Variants in DGKB observed in about 807,000 individuals in gnomAD.
DGKB encodes diacylglycerol kinase beta, also known as 90 kDa diacylglycerol kinase.
DGKB carries 67 observed loss-of-function variants against 114.3 expected under a neutral mutation model. The observed-to-expected ratio is 0.59, with a 90% CI of 0.48 to 0.72. The LOEUF is 0.72. Among genes scored for constraint, DGKB ranks in the 30% least tolerant of loss-of-function variants. DGKB has a pLI of 0.00. For synonymous variants in DGKB, 398 were observed against 323.1 expected, an observed-to-expected ratio of 1.23 and a Z score of -2.49; for missense variants, 907 against 975.2, an observed-to-expected ratio of 0.93 and a Z score of 0.93.
intron 25 of DGKB, among the ~76,000 whole-genome samples, chr7:14,175,727 G>T (rs1196092224): frequency 6.6e-6 from 1 of 152,022 alleles, no homozygotes; most frequent in Non-Finnish European, 1.5e-5. Context: ...TACATGATTT[G>T]TTCTCTGTCT....
At chr7:14,183,758 C>A (rs1290693719) in intron 23 of DGKB, among the ~76,000 whole-genome samples, 1 of 152,166 alleles carries the variant, frequency 6.6e-6, no homozygotes, top group Non-Finnish European at 1.5e-5. Context: ...ACAGTAAGAA[C>A]TAACCAATTA....
chr7:14,389,172 C>T (rs112903661), intron 21 of DGKB, among the ~76,000 whole-genome samples: 4 of 152,230 alleles, frequency 2.6e-5, no homozygotes, highest in African/African-American at 9.6e-5. Flanking sequence ...TGTGTGTCTG[C>T]TTTATTCCTT....
At chr7:14,861,877 G>C (rs144572040) in intron 1 of DGKB, among the ~76,000 whole-genome samples, 1 of 152,012 alleles carries the variant, frequency 6.6e-6, no homozygotes, top group Admixed American at 6.6e-5. Context: ...AAGGGCATTT[G>C]AGCTGCTTGC....
intron 13 of DGKB, among the ~76,000 whole-genome samples, chr7:14,637,997 ATGAT>A (rs1327249716): frequency 6.6e-6 from 1 of 152,098 alleles, no homozygotes; most frequent in Non-Finnish European, 1.5e-5. Flanking sequence ...ACAAAGAAGA[ATGAT>A]TATTTATTAT....
At chr7:14,577,284 A>T (rs992263718) in intron 19 of DGKB, among the ~76,000 whole-genome samples, 4 of 152,180 alleles carry the variant, frequency 2.6e-5, no homozygotes. Context: ...ATTTTTGCAA[A>T]TGAAAATCAC....
chr7:14,720,312 T>A (rs1275086059), intron 5 of DGKB, among the ~76,000 whole-genome samples: 3 of 152,212 alleles, frequency 2.0e-5, no homozygotes, highest in South Asian at 2.1e-4. Context: ...TAATTTTTTT[T>A]ATTTTTTTGA....
chr7:14,194,161 A>G (rs756423347), intron 23 of DGKB, among the ~76,000 whole-genome samples: 8 of 152,184 alleles, frequency 5.3e-5, no homozygotes, highest in Non-Finnish European at 8.8e-5. Context: ...AATAGTCAAA[A>G]TAGAATTAAC....
chr7:14,556,164 T>C (rs1584785693), intron 20 of DGKB, among the ~76,000 whole-genome samples: 1 of 152,332 alleles, frequency 6.6e-6, no homozygotes, highest in African/African-American at 2.4e-5. Flanking sequence ...TTTTATAACT[T>C]TGCATAAAAT....
chr7:14,811,896 T>TG (rs1254923321), intron 2 of DGKB, among the ~76,000 whole-genome samples: 6 of 56,292 alleles, frequency 1.1e-4, no homozygotes, highest in Non-Finnish European at 1.7e-4. Context: ...TCTTTAGAAC[T>TG]TTTTTATTTT....
intron 22 of DGKB, among the ~76,000 whole-genome samples, chr7:14,344,919 A>T (rs2128591199): frequency 6.6e-6 from 1 of 151,810 alleles, no homozygotes; most frequent in Non-Finnish European, 1.5e-5. Context: ...CAATTTTAGC[A>T]AAGTGTGTTT....
chr7:14,393,621 A>T (rs2128713463), intron 21 of DGKB, among the ~76,000 whole-genome samples: 1 of 152,288 alleles, frequency 6.6e-6, no homozygotes, highest in East Asian at 1.9e-4. Flanking sequence ...CTGCTCTCGA[A>T]GGATCATGAA....
chr7:14,683,071 C>A (rs1821106815), intron 10 of DGKB, among the ~76,000 whole-genome samples: 1 of 152,124 alleles, frequency 6.6e-6, no homozygotes, highest in South Asian at 2.1e-4. Context: ...TCTATCATGG[C>A]ATAGCAGGAA....
At chr7:14,288,829 G>A (rs1175509940) in intron 23 of DGKB, among the ~76,000 whole-genome samples, 1 of 152,176 alleles carries the variant, frequency 6.6e-6, no homozygotes, top group African/African-American at 2.4e-5. Context: ...GAGGTTCCTT[G>A]ACGTGTTGTG....
intron 20 of DGKB, among the ~76,000 whole-genome samples, chr7:14,540,176 T>C (rs12669027): frequency 0.2 from 30,638 of 152,000 alleles, 3,529 homozygotes; most frequent in East Asian, 0.44. Flanking sequence ...TACATCATTT[T>C]GGGAGGTATA....
Position 14,512,204 on chromosome 7 carries a change from A to G in DGKB, c.1771-33979T>C, listed in dbSNP as rs1311868883. On this transcript the variant is annotated intron_variant, in intron 20 of 25. Transcript: ENST00000402815. Reference sequence around the variant, plus strand: ...AAAGCAGAGCACAATAAAATGAGGTATGCTTGTACTTCAGAACAACACCAG... The same window carrying G: ...AAAGCAGAGCACAATAAAATGAGGTGTGCTTGTACTTCAGAACAACACCAG... Among the ~76,000 whole-genome samples, 4 of 152,346 alleles carry G rather than the reference A, an allele frequency of 2.6e-5. No individual in the cohort carries two copies. The East Asian group carries it at 5.8e-4, about 22-fold the overall frequency.
At chr7:14,858,737 G>A (rs1166375934) in intron 1 of DGKB, among the ~76,000 whole-genome samples, 1 of 152,150 alleles carries the variant, frequency 6.6e-6, no homozygotes, top group Non-Finnish European at 1.5e-5. Context: ...GATATGAGTA[G>A]GAGCTTTAGG....
rs1453398192 is a variant in DGKB at position 14,698,138 on chromosome 7, T to C, written c.548A>G (p.His183Arg). 2.0e-6 allele frequency: 3 copies of C among 1,536,022 alleles called. No individual in the cohort carries two copies. Among genetic ancestry groups the C allele is most frequent in the Non-Finnish European group, 2.6e-6 (3 of 1,145,754 alleles). ...ELENIISQMM[H>R]VAEYLEWDVT... ...ATCCCACTCAAGGTATTCTGCAACATGCATCATCTGACTGATGATATTTTC... is the reference window on the plus strand; with the variant it reads ...ATCCCACTCAAGGTATTCTGCAACACGCATCATCTGACTGATGATATTTTC... The change falls in exon 8 of 26, where the codon CAT becomes CGT. Residue 183 changes from histidine (H) to arginine (R), a missense_variant. His to Arg is a conservative substitution (Grantham distance 29, BLOSUM62 0). Transcript: ENST00000402815.
At chr7:14,537,615 T>C (rs1444057970) in intron 20 of DGKB, among the ~76,000 whole-genome samples, 2 of 152,192 alleles carry the variant, frequency 1.3e-5, no homozygotes, top group East Asian at 3.9e-4. Context: ...ACTTATCCCA[T>C]AGACAAAAAT....
intron 1 of DGKB, among the ~76,000 whole-genome samples, chr7:14,935,279 A>ATTTCT (rs2067157): frequency 0.59 from 89,116 of 151,582 alleles, 29,626 homozygotes; most frequent in East Asian, 0.91. Context: ...GGAGAAAAAC[A>ATTTCT]TTTATAGCAA....
Sources: allele counts gnomAD v4.1 joint callset (sites outside exome capture counted in the v4.1 genomes callset), GRCh38; gene constraint gnomAD v4.1.1; transcripts MANE v1.5; gene names NCBI Gene and HGNC (gene_info 2026-07-23, HGNC 2026-07-21).